The following CYP4F22 variants were observed in gnomAD, a reference collection of about 807,000 sequenced individuals.
The protein encoded by CYP4F22 is ultra-long-chain fatty acid omega-hydroxylase.
In CYP4F22, 37 loss-of-function variants were observed where a neutral mutation model predicts 60.4. That is an observed-to-expected ratio of 0.61 (90% CI 0.47 to 0.81). The LOEUF is 0.81. Ranked by LOEUF, CYP4F22 falls within the 30% of genes least tolerant of loss-of-function variation. CYP4F22 has a pLI of 0.00. For missense variants in CYP4F22, 655 were observed against 715.0 expected, an observed-to-expected ratio of 0.92 and a Z score of 0.96; for synonymous variants, 258 against 280.5, an observed-to-expected ratio of 0.92 and a Z score of 0.80.
At chr19:15,535,376 G>A (rs1332213545) in intron 4 of CYP4F22, among the ~76,000 whole-genome samples, 1 of 152,228 alleles carries the variant, frequency 6.6e-6, no homozygotes, top group Non-Finnish European at 1.5e-5. Flanking sequence ...GTGATGAATG[G>A]GGGGATGAGT....
rs771273780 is a variant in CYP4F22, at chr19:15,529,872, C to T, written c.367+19C>T. ...GCCTCAGGTACGTGGGCTGGGCCTC[C>T]GATCTATGGTTGAGTCCTCAACTCC... On this transcript the variant is annotated intron_variant, in intron 4 of 13. Transcript: ENST00000269703. The T allele has an allele frequency of 8.4e-5, 135 of 1,613,492 alleles. No individual in the cohort carries two copies. Among genetic ancestry groups the T allele is most frequent in the Non-Finnish European group, 1.1e-4 (124 of 1,180,022 alleles).
In CYP4F22 at chr19:15,537,645, A is replaced by G. The variant is rs16980531; in HGVS notation, c.532A>G (p.Ser178Gly). The change falls in exon 6 of 14, where the codon AGC (serine) becomes GGC (glycine). Residue 178 changes from serine (S) to glycine (G), a missense_variant. Around this residue, in one of 3 missense-constraint regions of CYP4F22, gnomAD observed 430 missense variants for 457.1 expected, o/e 0.94. Transcript: ENST00000269703. Reference protein sequence around the residue: ...LKPYMKIFNQSADIMHAKWRH... With the variant: ...LKPYMKIFNQGADIMHAKWRH... The stretch of plus-strand genomic sequence containing the variant: ...GCCTTACATGAAGATCTTCAACCAG[A>G]GCGCTGACATTATGCATGTGAGTCC... 6.2e-7 allele frequency: 1 copy of G among 1,613,252 alleles called. No individual in the cohort carries two copies. Among genetic ancestry groups the G allele is most frequent in the Non-Finnish European group, 8.5e-7 (1 of 1,180,042 alleles).
rs1289798585 is a variant in CYP4F22, at chr19:15,550,760, A to C, written c.1418+4A>C. Reference sequence around the variant, plus strand: ...TGCCCTTCTCTGCAGGACCCAGGTAACCCCTCTATTTCCCCTAGTCCAAGC... The same window carrying C: ...TGCCCTTCTCTGCAGGACCCAGGTACCCCCTCTATTTCCCCTAGTCCAAGC... On this transcript the variant is annotated splice_donor_region_variant and intron_variant, in intron 13 of 13. Transcript: ENST00000269703. 6.2e-7 allele frequency: 1 copy of C among 1,614,020 alleles called. No individual in the cohort carries two copies. Among genetic ancestry groups the C allele is most frequent in the Non-Finnish European group, 8.5e-7 (1 of 1,179,998 alleles).
intron 8 of CYP4F22, 107 bp downstream of exon 8, chr19:15,540,824 C>A: frequency 7.1e-7 from 1 of 1,416,942 alleles, no homozygotes; most frequent in South Asian, 1.2e-5. Context: ...GTGGCTCACA[C>A]GTGTAATCCC....
At chr19:15,542,412 C>T (rs1228425718) in intron 8 of CYP4F22, among the ~76,000 whole-genome samples, 1 of 151,962 alleles carries the variant, frequency 6.6e-6, no homozygotes, top group East Asian at 1.9e-4. Context: ...TGGCATGCAT[C>T]TGTAATCCCA....
At chr19:15,544,633 G>A (rs1433952410) in intron 10 of CYP4F22, among the ~76,000 whole-genome samples, 3 of 152,182 alleles carry the variant, frequency 2.0e-5, no homozygotes, top group Non-Finnish European at 4.4e-5. Flanking sequence ...GTGGAGTGGA[G>A]TTGCTTCAAA....
intron 8 of CYP4F22, 112 bp downstream of exon 8, chr19:15,540,829 A>C: frequency 7.2e-7 from 1 of 1,389,730 alleles, no homozygotes; most frequent in Non-Finnish European, 9.9e-7. Context: ...TCACACGTGT[A>C]ATCCCAGCGC....
chr19:15,520,854 G>A (rs944027365), intron 1 of CYP4F22, among the ~76,000 whole-genome samples: 3 of 150,764 alleles, frequency 2.0e-5, no homozygotes, highest in Non-Finnish European at 4.4e-5. Flanking sequence ...TGCAACCTCC[G>A]CCTCCTGGGT....
intron 4 of CYP4F22, among the ~76,000 whole-genome samples, chr19:15,530,202 C>T (rs1224663530): frequency 6.6e-6 from 1 of 152,188 alleles, no homozygotes; most frequent in Non-Finnish European, 1.5e-5. Context: ...CCATTATGGC[C>T]AGGACTCTTG....
intron 7 of CYP4F22, 100 bp downstream of exon 7, chr19:15,538,093 T>C (rs1971420298): frequency 1.3e-6 from 2 of 1,537,572 alleles, no homozygotes; most frequent in Non-Finnish European, 8.9e-7. Context: ...CTCTGGCCTA[T>C]GGGAGCTCTG....
chr19:15,523,654 A>G lies in CYP4F22; in HGVS notation c.-108-39A>G, dbSNP rs58143098. The G allele has an allele frequency of 0.036, 5,514 of 152,240 alleles. 150 individuals are homozygous for G. The highest frequency in any genetic ancestry group is 0.09 in the South Asian group (433 of 4,820). 9.4% of individuals were successfully genotyped at this position (152,240 alleles called of 1,614,324 possible). A position where few individuals can be genotyped will look rare whatever the true frequency, so the allele number is the denominator to read the frequency against. On this transcript the variant is annotated intron_variant, in intron 1 of 13. Transcript: ENST00000269703. The stretch of plus-strand genomic sequence containing the variant: ...TTCCTGCCTGCTCACTGTTTTATTA[A>G]CATTATGGTTACCTGACTGCTTTGT...
At position 15,549,165 on chromosome 19, in the gene CYP4F22, G is replaced by A; in HGVS notation, c.1298G>A (p.Gly433Glu). Residue 433 changes from glycine (G) to glutamate (E), a missense_variant, in exon 12 of 14, where the codon GGA (glycine) becomes GAA (glutamate). Gly to Glu is a moderately conservative substitution (Grantham distance 98, BLOSUM62 -2). Transcript: ENST00000269703. Reference protein sequence around the residue: ...KGIICLVSIYGTHHNPTVWPD... With the variant: ...KGIICLVSIYETHHNPTVWPD... Reference sequence around the variant, plus strand: ...ATCATCTGCTTGGTCAGCATCTATGGAACCCACCACAACCCCACAGTGTGG... The same window carrying A: ...ATCATCTGCTTGGTCAGCATCTATGAAACCCACCACAACCCCACAGTGTGG... The A allele has an allele frequency of 6.2e-7, 1 of 1,613,926 alleles. No individual in the cohort carries two copies. Among genetic ancestry groups the A allele is most frequent in the Non-Finnish European group, 8.5e-7 (1 of 1,179,986 alleles).
In CYP4F22 at chr19:15,531,308, A is replaced by C. The variant is rs139873980; in HGVS notation, c.367+1455A>C. ...GGTGAGAGGATTGCTTGAGCCCAGC[A>C]GATGGAGGCTGCAGTGAGCTATGAT... On this transcript the variant is annotated intron_variant, in intron 4 of 13. Coordinates refer to ENST00000269703, the MANE Select transcript of CYP4F22 (RefSeq NM_173483.4). 9.2e-5 allele frequency among the ~76,000 whole-genome samples: 14 copies of C among 152,014 alleles called. No homozygotes were observed. In the East Asian group the frequency reaches 2.7e-3, roughly 29 times the overall value.
intron 1 of CYP4F22, among the ~76,000 whole-genome samples, chr19:15,518,509 C>T (rs979382286): frequency 2.0e-5 from 3 of 147,332 alleles, no homozygotes; most frequent in Non-Finnish European, 3.0e-5. Context: ...ATTACCTGGG[C>T]GTGGTGGCAG....
chr19:15,518,937 T>C (rs1255183042), intron 1 of CYP4F22, among the ~76,000 whole-genome samples: 1 of 151,968 alleles, frequency 6.6e-6, no homozygotes, highest in Non-Finnish European at 1.5e-5. Flanking sequence ...TGGAGAATGA[T>C]GAATGGATTC....
chr19:15,509,735 C>T (rs1971060512), intron 1 of CYP4F22, among the ~76,000 whole-genome samples: 1 of 152,054 alleles, frequency 6.6e-6, no homozygotes, highest in South Asian at 2.1e-4. Context: ...ACCAAATGGC[C>T]CAGCTTGGGT....
rs1568362603 is a variant in CYP4F22 at position 15,543,965 on chromosome 19, TTC to T, written c.940-5_940-4del. ...TGGGCTGAGCACCCTCTACTGCCCA[TTC>T]CAGGATGAAGATGGAAAGGAACTGT... On this transcript the variant is annotated splice_region_variant and splice_polypyrimidine_tract_variant and intron_variant, in intron 8 of 13. Coordinates refer to ENST00000269703, the MANE Select transcript of CYP4F22 (RefSeq NM_173483.4). 1 of 1,613,804 alleles carries T rather than the reference TTC, an allele frequency of 6.2e-7. No homozygotes were observed. The highest frequency in any genetic ancestry group is 1.7e-5 in the Admixed American group (1 of 59,952).
rs1382435790 is a variant in CYP4F22, at chr19:15,537,539, T to TG, written c.429dup (p.Leu144AlafsTer7). 6.2e-7 allele frequency: 1 copy of TG among 1,614,156 alleles called. No individual in the cohort carries two copies. The stretch of plus-strand genomic sequence containing the variant: ...ACCTCAGTCTTCTGGGCCCAGGGGA[T>TG]GGGCTGCTGCTCAGCAAAGGTGACA... On this transcript the variant is annotated frameshift_variant, in exon 6 of 14. Transcript: ENST00000269703. LOFTEE classifies it high-confidence loss of function.
chr19:15,544,220 G>T lies in CYP4F22; in HGVS notation c.1077G>T (p.Glu359Asp). ...TGGCAAAGTATCCGGAATACCAGGA[G>T]AAATGCCGAGAAGAGATTCAGGAAG... ...FNLAKYPEYQ[E>D]KCREEIQEVM... Residue 359 changes from glutamate to aspartate, a missense_variant, in exon 10 of 14, where the codon GAG (glutamate) becomes GAT (aspartate). Around this residue, in one of 3 missense-constraint regions of CYP4F22, gnomAD observed 74 missense variants for 118.4 expected, o/e 0.62. Coordinates refer to ENST00000269703, the MANE Select transcript of CYP4F22 (RefSeq NM_173483.4). The T allele has an allele frequency of 6.2e-7, 1 of 1,614,122 alleles. No homozygotes were observed. The highest frequency in any genetic ancestry group is 8.5e-7 in the Non-Finnish European group (1 of 1,180,044).
Sources: gnomAD v4.1 joint callset for allele counts (sites outside exome capture counted in the v4.1 genomes callset) on GRCh38, gnomAD v4.1.1 for gene constraint, gnomAD v4.1.1 regional missense constraint, MANE v1.5 for transcripts, NCBI Gene and HGNC (gene_info 2026-07-23, HGNC 2026-07-21) for gene names.